Variants in TLE2 observed in about 807,000 individuals in gnomAD.
The protein encoded by TLE2 is transducin-like enhancer protein 2.
A neutral mutation model predicts 97.2 loss-of-function variants in TLE2; 74 were observed. The observed-to-expected ratio is 0.76, with a 90% confidence interval of 0.63 to 0.92. The LOEUF (loss-of-function observed/expected upper bound fraction) is 0.92, where lower values mean the gene tolerates loss of function less well. TLE2 is among the 40% of genes least tolerant of loss of function. The pLI, the probability that TLE2 is intolerant of heterozygous loss-of-function variation, is 0.00. For missense variants in TLE2, 1,038 were observed against 1,008.7 expected, an observed-to-expected ratio of 1.03 and a Z score of -0.39; for synonymous variants, 499 against 432.1, an observed-to-expected ratio of 1.15 and a Z score of -1.92.
chr19:3,017,272 G>A (rs1289429629), intron 8 of TLE2, among the ~76,000 whole-genome samples: 2 of 151,538 alleles, frequency 1.3e-5, no homozygotes, highest in Non-Finnish European at 2.9e-5. Flanking sequence ...CGAGTAGCTG[G>A]GATTACAGGC....
chr19:3,014,474 C>T, intron 10 of TLE2, 96 bp downstream of exon 10: 1 of 1,220,570 alleles, frequency 8.2e-7, no homozygotes, highest in Non-Finnish European at 1.1e-6. Context: ...GAGCGGGGAA[C>T]CAGGATCCCC....
intron 18 of TLE2, 148 bp from the exon 19 acceptor site, chr19:3,000,871 G>C (rs752752100): frequency 8.5e-5 from 52 of 613,682 alleles, no homozygotes; most frequent in Non-Finnish European, 1.1e-4. Flanking sequence ...TGTCACCCAG[G>C]CTGGAGTGCA....
chr19:3,009,682 GAGTC>G lies in TLE2; in HGVS notation c.1029_1032del (p.Thr344CysfsTer47). 6.2e-7 allele frequency: 1 copy of G among 1,612,170 alleles called. No individual in the cohort carries two copies. Among genetic ancestry groups the G allele is most frequent in the South Asian group, 1.1e-5 (1 of 90,594 alleles). On this transcript the variant is annotated frameshift_variant, in exon 13 of 20. Coordinates refer to ENST00000262953, the MANE Select transcript of TLE2 (RefSeq NM_003260.5). LOFTEE classifies it high-confidence loss of function. Reference sequence around the variant, plus strand: ...AAGGACGTGGTGAAGGGACTGGACAGAGTCAGGGGGCTCCTCAGGGCTGAGACGG... The same window carrying G: ...AAGGACGTGGTGAAGGGACTGGACAGAGGGGGCTCCTCAGGGCTGAGACGG...
At chr19:3,046,945 C>T (rs1363112766), upstream of TLE2, among the ~76,000 whole-genome samples, 4 of 119,636 alleles carry the variant, frequency 3.3e-5, no homozygotes, top group African/African-American at 6.2e-5. Flanking sequence ...TCCCCCTCCT[C>T]CTCCCTTCCC....
In TLE2 at chr19:2,998,177, T is replaced by A. The variant is rs190700161; in HGVS notation, c.2125-222A>T. 6.4e-4 allele frequency among the ~76,000 whole-genome samples: 97 copies of A among 150,592 alleles called. 1 individual carries two copies. The East Asian group carries it at 0.017, about 27-fold the overall frequency. The stretch of plus-strand genomic sequence containing the variant: ...CCTCCACCTCCCGGGTTCAAGACAC[T>A]CTCCTGCCTCAGCCTCCCAAATAGC... On this transcript the variant is annotated intron_variant, in intron 19 of 19. Coordinates refer to ENST00000262953, the MANE Select transcript of TLE2 (RefSeq NM_003260.5).
chr19:3,039,316 A>G (rs888107164), intron 1 of TLE2, among the ~76,000 whole-genome samples: 3 of 151,110 alleles, frequency 2.0e-5, no homozygotes, highest in Non-Finnish European at 4.4e-5. Context: ...CATAAAATCC[A>G]AACTCCCTAC....
chr19:3,025,115 G>T lies in TLE2; in HGVS notation c.232-33C>A, dbSNP rs377624386. 11 of 1,579,472 alleles carry T rather than the reference G, an allele frequency of 7.0e-6. No homozygotes were observed. In the South Asian group the frequency reaches 1.3e-4, roughly 18 times the overall value. On this transcript the variant is annotated intron_variant, in intron 4 of 19. Transcript: ENST00000262953. ...GAAGCAATGAGAGGAAGCTTGGAGC[G>T]GGGTAGAGATTTGCAACCCAGCTCT...
chr19:3,011,197 C>G, intron 11 of TLE2, 37 bp from the exon 12 acceptor site: 4 of 1,536,768 alleles, frequency 2.6e-6, no homozygotes, highest in Non-Finnish European at 3.5e-6. Flanking sequence ...CCACCAGGCA[C>G]CTGGTGTCTT....
intron 10 of TLE2, among the ~76,000 whole-genome samples, chr19:3,014,216 G>A (rs1031276508): frequency 6.6e-6 from 1 of 152,020 alleles, no homozygotes; most frequent in African/African-American, 2.4e-5. Context: ...CACCACGCCC[G>A]GCCTGTAAAA....
upstream of TLE2, among the ~76,000 whole-genome samples, chr19:3,033,578 G>C (rs2090042111): frequency 1.3e-5 from 2 of 152,188 alleles, no homozygotes; most frequent in Non-Finnish European, 2.9e-5. Flanking sequence ...GATTACAGGT[G>C]TGAGCCACCG....
intron 9 of TLE2, among the ~76,000 whole-genome samples, 186 bp downstream of exon 9, chr19:3,015,467 G>A (rs1472432220): frequency 1.3e-5 from 2 of 152,252 alleles, no homozygotes; most frequent in Non-Finnish European, 2.9e-5. Flanking sequence ...GAGACTTCAA[G>A]CAACTGGAGT....
chr19:3,001,635 C>T (rs1401699273), intron 18 of TLE2, among the ~76,000 whole-genome samples: 1 of 151,642 alleles, frequency 6.6e-6, no homozygotes, highest in Non-Finnish European at 1.5e-5. Context: ...ACAGGTGCGA[C>T]CTACTGGCTG....
chr19:3,039,598 C>T (rs754645657), intron 1 of TLE2, among the ~76,000 whole-genome samples: 19 of 152,180 alleles, frequency 1.2e-4, no homozygotes, highest in Admixed American at 8.5e-4. Flanking sequence ...TCCGAGGCCT[C>T]GTGGCTCTGG....
intron 4 of TLE2, 54 bp from the exon 5 acceptor site, chr19:3,025,136 G>C: frequency 5.9e-6 from 9 of 1,515,278 alleles, no homozygotes; most frequent in Non-Finnish European, 8.1e-6. Context: ...TTGCAACCCA[G>C]CTCTGGACTC....
chr19:3,035,884 A>AG (rs113170939), intron 1 of TLE2, among the ~76,000 whole-genome samples: 18,240 of 151,764 alleles, frequency 0.12, 1,149 homozygotes, highest in Admixed American at 0.17. Flanking sequence ...GGATTGGAGG[A>AG]GGGGGGGCTA....
At position 3,015,719 on chromosome 19, in the gene TLE2, C is replaced by T. The variant is rs1455709029; in HGVS notation, c.612G>A (p.Glu204=). The T allele has an allele frequency of 1.2e-6, 2 of 1,611,538 alleles. No homozygotes were observed. The highest frequency in any genetic ancestry group is 1.3e-5 in the African/African-American group (1 of 74,978). Residue 204 remains glutamate, a synonymous_variant, in exon 9 of 20, where the codon GAG becomes GAA. Transcript: ENST00000262953. ...CGCCACCACCAGGGCCACTCGGTCGCTCCTCCTCCACGAGACTCTCAGGGG... is the reference window on the plus strand; with the variant it reads ...CGCCACCACCAGGGCCACTCGGTCGTTCCTCCTCCACGAGACTCTCAGGGG... ...PSPPESLVEE[E]RPSGPGGGGK...
rs1487066853 is a variant in TLE2, at chr19:3,028,696, C to G, written c.122+10G>C. On this transcript the variant is annotated intron_variant, in intron 2 of 19. Coordinates refer to ENST00000262953, the MANE Select transcript of TLE2 (RefSeq NM_003260.5). ...TGAACTCCCGCGGCCCCTGGGGCGG[C>G]CCCCCTCACCTGTGGTATTGAGCCT... 1.2e-6 allele frequency: 2 copies of G among 1,612,182 alleles called. No homozygotes were observed. The highest frequency in any genetic ancestry group is 1.7e-5 in the Admixed American group (1 of 59,994).
chr19:3,006,014 A>T, intron 15 of TLE2, 46 bp from the exon 16 acceptor site: 1 of 1,603,894 alleles, frequency 6.2e-7, no homozygotes, highest in South Asian at 1.1e-5. Flanking sequence ...GTCCCAGGTG[A>T]GGTCTCTAGG....
At chr19:3,023,179 C>G (rs897561236) in intron 5 of TLE2, among the ~76,000 whole-genome samples, 1 of 151,916 alleles carries the variant, frequency 6.6e-6, no homozygotes, top group Non-Finnish European at 1.5e-5. Context: ...CTCAGCCTCC[C>G]GAGTAGCTGG....
Sources: gnomAD v4.1 joint callset for allele counts (sites outside exome capture counted in the v4.1 genomes callset) on GRCh38, gnomAD v4.1.1 for gene constraint, MANE v1.5 for transcripts, NCBI Gene and HGNC (gene_info 2026-07-23, HGNC 2026-07-21) for gene names.